DPF3: variants seen among roughly 807,000 people sequenced by gnomAD.
The protein encoded by DPF3 is double PHD fingers 3.
In DPF3, 18 loss-of-function variants were observed where a neutral mutation model predicts 56.8. The observed-to-expected ratio is 0.32, with a 90% confidence interval of 0.22 to 0.47. The LOEUF (loss-of-function observed/expected upper bound fraction) is 0.47, where lower values mean the gene tolerates loss of function less well. DPF3 is among the 20% of genes least tolerant of loss of function. DPF3 has a pLI of 1.00. For synonymous variants in DPF3, 188 were observed against 180.2 expected, an observed-to-expected ratio of 1.04 and a Z score of -0.35; for missense variants, 403 against 488.8, an observed-to-expected ratio of 0.82 and a Z score of 1.65.
intron 4 of DPF3, chr14:72,724,187 A>G (rs2139843093): frequency 6.5e-6 from 1 of 153,690 alleles, no homozygotes; most frequent in Non-Finnish European, 1.4e-5. Context: ...ATCTGACCAG[A>G]TTTAACACGA....
At chr14:72,720,608 G>A (rs959317948) in intron 5 of DPF3, among the ~76,000 whole-genome samples, 6 of 152,170 alleles carry the variant, frequency 3.9e-5, no homozygotes, top group Admixed American at 6.5e-5. Context: ...GCTGAAATAC[G>A]ACTTTTCTTT....
At chr14:72,848,924 T>G (rs1884862421) in intron 1 of DPF3, among the ~76,000 whole-genome samples, 1 of 152,212 alleles carries the variant, frequency 6.6e-6, no homozygotes, top group Non-Finnish European at 1.5e-5. Context: ...GCACTTACTG[T>G]GTGCCAGGTT....
chr14:72,626,131 A>C (rs115530686), intron 9 of DPF3, among the ~76,000 whole-genome samples: 1,769 of 152,142 alleles, frequency 0.012, 46 homozygotes, highest in African/African-American at 0.04. Flanking sequence ...ATTTCATTTT[A>C]GTTTTTCCCT....
At chr14:72,882,776 A>G (rs1419058509) in intron 1 of DPF3, among the ~76,000 whole-genome samples, 1 of 151,486 alleles carries the variant, frequency 6.6e-6, no homozygotes, top group Non-Finnish European at 1.5e-5. Flanking sequence ...CCCTCCCCCT[A>G]TCACCAGCAC....
chr14:72,743,837 G>A (rs1669764316), intron 3 of DPF3, among the ~76,000 whole-genome samples: 1 of 152,214 alleles, frequency 6.6e-6, no homozygotes, highest in South Asian at 2.1e-4. Context: ...AAGTCTTTGT[G>A]TTGTAGAATT....
At position 72,674,060 on chromosome 14, in the gene DPF3, C is replaced by T. The variant is rs529750238; in HGVS notation, c.871+180G>A. The T allele has an allele frequency of 1.4e-4, 128 of 945,894 alleles. No homozygotes were observed. The African/African-American group carries it at 1.5e-3, about 11-fold the overall frequency. 58.6% of individuals were successfully genotyped at this position (945,894 alleles called of 1,614,324 possible). Reference sequence around the variant, plus strand: ...CTTTCCCCCGGATCCTAGGGCATAACTTTTGGTTCTTGAGACCCAAAGAAG... The same window carrying T: ...CTTTCCCCCGGATCCTAGGGCATAATTTTTGGTTCTTGAGACCCAAAGAAG... On this transcript the variant is annotated intron_variant, in intron 8 of 10. Transcript: ENST00000556509.
rs567961437 is a variant in DPF3, at chr14:72,866,888, G to C, written c.32+27169C>G. Among the ~76,000 whole-genome samples the C allele has an allele frequency of 2.7e-5, 4 of 150,000 alleles. No homozygotes were observed. The South Asian group carries it at 6.3e-4, about 24-fold the overall frequency. ...GATCCACCCGACTCGGCCTCCCAAAGTGCTGGGATTATAGGAGTGAGCCAT... is the reference window on the plus strand; with the variant it reads ...GATCCACCCGACTCGGCCTCCCAAACTGCTGGGATTATAGGAGTGAGCCAT... On this transcript the variant is annotated intron_variant, in intron 1 of 10. Transcript: ENST00000556509.
At chr14:72,817,669 C>T (rs770997388) in intron 1 of DPF3, among the ~76,000 whole-genome samples, 8 of 152,058 alleles carry the variant, frequency 5.3e-5, no homozygotes, top group Non-Finnish European at 1.0e-4. Flanking sequence ...CAGAGCAAGA[C>T]ACCACCTCAC....
chr14:72,773,130 TG>T (rs1456117425), intron 1 of DPF3, among the ~76,000 whole-genome samples: 4 of 112,470 alleles, frequency 3.6e-5, no homozygotes, highest in Admixed American at 1.2e-4. Flanking sequence ...TTGGGTTTTT[TG>T]GGTTTTTTTT....
At chr14:72,781,609 T>A (rs973008898) in intron 1 of DPF3, among the ~76,000 whole-genome samples, 2 of 152,022 alleles carry the variant, frequency 1.3e-5, no homozygotes, top group Non-Finnish European at 2.9e-5. Context: ...CACTGGGTGT[T>A]CTGATGACAT....
At chr14:72,883,619 T>C (rs117095663) in intron 1 of DPF3, among the ~76,000 whole-genome samples, 2,929 of 152,286 alleles carry the variant, frequency 0.019, 42 homozygotes, top group Non-Finnish European at 0.029. Flanking sequence ...CGCAATGCTC[T>C]CTGGTCTACT....
At chr14:72,871,563 C>T (rs1885902625) in intron 1 of DPF3, among the ~76,000 whole-genome samples, 1 of 152,246 alleles carries the variant, frequency 6.6e-6, no homozygotes. Context: ...GACTCCAGGT[C>T]TCACATCCAG....
chr14:72,709,130 GGT>G (rs1888545051), intron 6 of DPF3, among the ~76,000 whole-genome samples: 1 of 152,204 alleles, frequency 6.6e-6, no homozygotes, highest in Non-Finnish European at 1.5e-5. Context: ...ACCCCCACTG[GGT>G]GTGGCAACAC....
At chr14:72,858,390 G>A (rs1885254716) in intron 1 of DPF3, among the ~76,000 whole-genome samples, 1 of 140,324 alleles carries the variant, frequency 7.1e-6, no homozygotes, top group African/African-American at 2.4e-5. Flanking sequence ...AATCCCACAG[G>A]CTACAGAGAG....
intron 7 of DPF3, among the ~76,000 whole-genome samples, chr14:72,689,103 C>T (rs1555496799): frequency 1.4e-5 from 2 of 147,608 alleles, no homozygotes; most frequent in African/African-American, 2.5e-5. Flanking sequence ...GCAGCATGGG[C>T]GGGGGCGGGG....
chr14:72,803,031 T>TA (rs1400648437), intron 1 of DPF3, among the ~76,000 whole-genome samples: 2 of 152,234 alleles, frequency 1.3e-5, no homozygotes, highest in Admixed American at 1.3e-4. Flanking sequence ...CATTGACAGA[T>TA]AAAATACAGG....
At chr14:72,721,975 A>T (rs1889193560) in intron 5 of DPF3, among the ~76,000 whole-genome samples, 1 of 152,186 alleles carries the variant, frequency 6.6e-6, no homozygotes, top group Non-Finnish European at 1.5e-5. Context: ...AATACAGAAG[A>T]GGTATGCTGT....
chr14:72,885,394 GTT>G (rs1330712718), intron 1 of DPF3, among the ~76,000 whole-genome samples: 1 of 151,436 alleles, frequency 6.6e-6, no homozygotes, highest in Non-Finnish European at 1.5e-5. Flanking sequence ...TTGTTTGTTT[GTT>G]TGTTTGTTTG....
At position 72,799,268 on chromosome 14, in the gene DPF3, C is replaced by T. The variant is rs117603694; in HGVS notation, c.33-27375G>A. On this transcript the variant is annotated intron_variant, in intron 1 of 10. Transcript: ENST00000556509. ...CTACCTCCTTCTAGTAACAATACCT[C>T]CATTTTCTACCTCTCCCTCACTATC... 2.1e-3 allele frequency among the ~76,000 whole-genome samples: 317 copies of T among 152,302 alleles called. 1 individual carries two copies. The highest frequency in any genetic ancestry group is 3.9e-3 in the Admixed American group (60 of 15,306).
Sources: gnomAD v4.1 joint callset for allele counts (sites outside exome capture counted in the v4.1 genomes callset) on GRCh38, gnomAD v4.1.1 for gene constraint, MANE v1.5 for transcripts, NCBI Gene and HGNC (gene_info 2026-07-23, HGNC 2026-07-21) for gene names.